PALM2AKAP2: variants seen among roughly 807,000 people sequenced by gnomAD.
PALM2AKAP2 encodes the protein PALM2-AKAP2 fusion protein.
PALM2AKAP2 carries 37 observed loss-of-function variants against 71.5 expected under a neutral mutation model. The observed-to-expected ratio is 0.52, with a 90% CI of 0.40 to 0.68. The LOEUF is 0.68. Ranked by LOEUF, PALM2AKAP2 falls within the 30% of genes least tolerant of loss-of-function variation. The probability of loss-of-function intolerance (pLI) is 0.00; values close to 1 mark genes in which losing one functional copy is unlikely to be tolerated. For missense variants in PALM2AKAP2, 1,224 were observed against 1,191.8 expected (o/e 1.03, Z -0.40); for synonymous variants, 468 against 478.8 (o/e 0.98, Z 0.29).
chr9:109,922,108 C>T (rs1302254774), intron 3 of PALM2AKAP2, among the ~76,000 whole-genome samples: 2 of 151,786 alleles, frequency 1.3e-5, no homozygotes, highest in African/African-American at 4.8e-5. Context: ...TGGCCAGTTC[C>T]CGAGAGCAGA....
In PALM2AKAP2 at chr9:110,168,398, G is replaced by A; in HGVS notation, c.2749-1G>A. The A allele has an allele frequency of 6.2e-7, 1 of 1,613,898 alleles. No homozygotes were observed. The highest frequency in any genetic ancestry group is 8.5e-7 in the Non-Finnish European group (1 of 1,179,940). On this transcript the variant is annotated splice_acceptor_variant, in intron 3 of 3. Coordinates refer to ENST00000374525, the Ensembl canonical transcript of PALM2AKAP2. LOFTEE classifies it high-confidence loss of function. The stretch of plus-strand genomic sequence containing the variant: ...CATAATTTTTTCCCCTCTCTTTACA[G>A]GTCCTCGAGGCCACACGGGTTAATC...
intron 1 of PALM2AKAP2, among the ~76,000 whole-genome samples, chr9:109,708,483 A>G (rs1828177348): frequency 6.6e-6 from 1 of 152,252 alleles, no homozygotes. Context: ...ATCTATTGGA[A>G]TGTAATATTT....
intron 2 of PALM2AKAP2, among the ~76,000 whole-genome samples, chr9:109,876,662 T>C (rs1829729444): frequency 6.6e-6 from 1 of 152,124 alleles, no homozygotes; most frequent in Non-Finnish European, 1.5e-5. Flanking sequence ...GTATTTTTAG[T>C]AGAAATGGTG....
intron 1 of PALM2AKAP2, among the ~76,000 whole-genome samples, chr9:109,758,152 G>A (rs1041017959): frequency 6.6e-6 from 1 of 152,030 alleles, no homozygotes; most frequent in Non-Finnish European, 1.5e-5. Context: ...TTGACTTTTT[G>A]ATTTATAATA....
chr9:110,155,766 G>A (rs1477181250), intron 2 of PALM2AKAP2, among the ~76,000 whole-genome samples: 1 of 152,196 alleles, frequency 6.6e-6, no homozygotes, highest in Non-Finnish European at 1.5e-5. Flanking sequence ...TTATTCAAAG[G>A]TTTTATAACA....
intron 1 of PALM2AKAP2, among the ~76,000 whole-genome samples, chr9:110,057,440 G>T (rs901647226): frequency 6.8e-6 from 1 of 147,452 alleles, no homozygotes; most frequent in Non-Finnish European, 1.5e-5. Flanking sequence ...GTGCAGTGGC[G>T]CCATCTCAGC....
At chr9:109,743,790 A>T (rs1445335842) in intron 1 of PALM2AKAP2, among the ~76,000 whole-genome samples, 1 of 152,206 alleles carries the variant, frequency 6.6e-6, no homozygotes, top group Non-Finnish European at 1.5e-5. Context: ...ACACTTTGAT[A>T]ACAGGAGACA....
intron 1 of PALM2AKAP2, among the ~76,000 whole-genome samples, chr9:109,736,562 T>C (rs1828638526): frequency 6.6e-6 from 1 of 152,048 alleles, no homozygotes; most frequent in African/African-American, 2.4e-5. Flanking sequence ...TGCCATTTTC[T>C]TTTTTTACTT....
At chr9:110,154,867 G>A (rs945997976) in intron 2 of PALM2AKAP2, among the ~76,000 whole-genome samples, 1 of 152,126 alleles carries the variant, frequency 6.6e-6, no homozygotes, top group Non-Finnish European at 1.5e-5. Flanking sequence ...ATAGCAAAAC[G>A]TTTGAGTTAG....
intron 1 of PALM2AKAP2, among the ~76,000 whole-genome samples, chr9:110,133,476 T>A (rs1459528642): frequency 2.0e-5 from 3 of 152,182 alleles, no homozygotes; most frequent in African/African-American, 4.8e-5. Context: ...TAACCTCCCC[T>A]CATGTTTAAT....
chr9:109,750,570 ACGTG>A (rs1251695639), intron 1 of PALM2AKAP2, among the ~76,000 whole-genome samples: 24 of 97,848 alleles, frequency 2.5e-4, no homozygotes, highest in South Asian at 8.8e-4. Context: ...CTGCCCTAGG[ACGTG>A]TGTGTGTGTG....
intron 1 of PALM2AKAP2, among the ~76,000 whole-genome samples, chr9:109,676,079 G>A (rs1827644624): frequency 6.6e-6 from 1 of 152,140 alleles, no homozygotes; most frequent in African/African-American, 2.4e-5. Context: ...ATAGTCAATG[G>A]AGTTGGGTAG....
chr9:109,757,065 A>G (rs1314366906), intron 1 of PALM2AKAP2, among the ~76,000 whole-genome samples: 2 of 152,068 alleles, frequency 1.3e-5, no homozygotes, highest in African/African-American at 2.4e-5. Context: ...AACGTGTTCT[A>G]TCTATCTGTA....
At chr9:109,690,813 C>A (rs1015838767) in intron 1 of PALM2AKAP2, among the ~76,000 whole-genome samples, 1 of 152,120 alleles carries the variant, frequency 6.6e-6, no homozygotes, top group African/African-American at 2.4e-5. Context: ...ACATCCTATA[C>A]CTTTAAAGAT....
chr9:110,099,495 A>G (rs1834940072), intron 1 of PALM2AKAP2, among the ~76,000 whole-genome samples: 1 of 152,112 alleles, frequency 6.6e-6, no homozygotes, highest in Non-Finnish European at 1.5e-5. Context: ...ATACATAAGA[A>G]GGTACAAGCT....
rs1832361988 is a variant in PALM2AKAP2, at chr9:109,985,655, T to A, written c.497-30299T>A. On this transcript the variant is annotated intron_variant, in intron 6 of 9. Coordinates refer to the PALM2AKAP2 transcript ENST00000302798. ...AAAACTGTCTTGAGTTTTCTTTCTT[T>A]CTTTTTTTTTTTTTTTAACAGTCTT... 2.1e-5 allele frequency among the ~76,000 whole-genome samples: 3 copies of A among 143,466 alleles called. No individual in the cohort carries two copies. The South Asian group carries it at 7.0e-4, about 33-fold the overall frequency. 94.1% of individuals were successfully genotyped at this position (143,466 alleles called of 152,430 possible).
intron 1 of PALM2AKAP2, among the ~76,000 whole-genome samples, chr9:109,835,752 GGT>G (rs575833034): frequency 1.1e-3 from 166 of 152,300 alleles, no homozygotes; most frequent in African/African-American, 3.8e-3. Flanking sequence ...TGGCTCAGAG[GGT>G]ACCACGCCCA....
intron 6 of PALM2AKAP2, among the ~76,000 whole-genome samples, chr9:109,998,608 G>T (rs10816914): frequency 7.2e-6 from 1 of 138,470 alleles, no homozygotes; most frequent in East Asian, 2.2e-4. Flanking sequence ...TTCTTAATAT[G>T]GTACTTTCTG....
chr9:109,850,640 A>C (rs1828983866), intron 1 of PALM2AKAP2, among the ~76,000 whole-genome samples: 1 of 152,242 alleles, frequency 6.6e-6, no homozygotes, highest in African/African-American at 2.4e-5. Context: ...GCCCTAAGTC[A>C]AAAATATCAT....
Sources: allele counts gnomAD v4.1 joint callset (sites outside exome capture counted in the v4.1 genomes callset), GRCh38; gene constraint gnomAD v4.1.1; transcripts MANE v1.5; gene names NCBI Gene and HGNC (gene_info 2026-07-23, HGNC 2026-07-21).